The following FOXP1 variants were observed in gnomAD, a reference collection of about 807,000 sequenced individuals.
The protein encoded by FOXP1 is forkhead box protein P1.
FOXP1 carries 15 observed loss-of-function variants against 98.2 expected under a neutral mutation model. The ratio of observed to expected loss-of-function variants is 0.15; its 90% CI spans 0.10 to 0.24. The LOEUF is 0.24. Among genes scored for constraint, FOXP1 ranks in the 10% least tolerant of loss-of-function variants. The probability of loss-of-function intolerance (pLI) is 1.00; values close to 1 mark genes in which losing one functional copy is unlikely to be tolerated. For missense variants in FOXP1, 633 were observed against 848.5 expected (o/e 0.75, Z 3.15); for synonymous variants, 371 against 314.5 (o/e 1.18, Z -1.90).
In FOXP1 at chr3:71,266,037, T is replaced by C. The variant is rs1056116282; in HGVS notation, c.-12+33783A>G. Among the ~76,000 whole-genome samples, 7 of 152,144 alleles carry C rather than the reference T, an allele frequency of 4.6e-5. No homozygotes were observed. In the South Asian group the frequency reaches 1.2e-3, roughly 27 times the overall value. On this transcript the variant is annotated intron_variant, in intron 5 of 20. Coordinates refer to ENST00000649528, the MANE Select transcript of FOXP1 (RefSeq NM_001349338.3). ...GTGCCTGGTCCCGAAACCCATCAGA[T>C]GGTGGGTTCAAGTTTTACCACTAAG...
At chr3:71,247,213 A>C (rs2067820667) in intron 5 of FOXP1, among the ~76,000 whole-genome samples, 1 of 152,222 alleles carries the variant, frequency 6.6e-6, no homozygotes, top group Non-Finnish European at 1.5e-5. Flanking sequence ...TTCTGTTGGA[A>C]AATTTCACAA....
In FOXP1 at chr3:71,047,000, T is replaced by C; in HGVS notation, c.606A>G (p.Gln202=). Residue 202 remains glutamine (Q), a synonymous_variant, in exon 10 of 21, where the codon CAA becomes CAG. Coordinates refer to ENST00000649528, the MANE Select transcript of FOXP1 (RefSeq NM_001349338.3). The part of the protein sequence containing the change: ...QQQHLLSLQR[Q]GLLTIQPGQP... ...GCCCGGGCTGAATTGTCAGAAGGCC[T>C]TGGCGCTGCAAAGACAGGAGGTGCT... The C allele has an allele frequency of 6.2e-7, 1 of 1,614,100 alleles. No homozygotes were observed. The highest frequency in any genetic ancestry group is 8.5e-7 in the Non-Finnish European group (1 of 1,179,976).
chr3:71,444,825 C>G (rs190942068), intron 3 of FOXP1, among the ~76,000 whole-genome samples: 3 of 152,190 alleles, frequency 2.0e-5, no homozygotes, highest in Admixed American at 2.0e-4. Flanking sequence ...CTGATGTTTG[C>G]GAGGGATGCT....
At chr3:71,472,151 G>C (rs36092658) in intron 3 of FOXP1, among the ~76,000 whole-genome samples, 9,859 of 152,172 alleles carry the variant, frequency 0.065, 376 homozygotes, top group South Asian at 0.12. Flanking sequence ...GGAGTTATAA[G>C]TAAGGAATTC....
At chr3:71,430,545 C>T (rs141298443) in intron 3 of FOXP1, among the ~76,000 whole-genome samples, 8 of 151,984 alleles carry the variant, frequency 5.3e-5, no homozygotes, top group African/African-American at 1.9e-4. Context: ...CCGCATGTTA[C>T]TTCACTTACA....
chr3:71,399,818 C>T (rs1461225070), intron 3 of FOXP1, among the ~76,000 whole-genome samples: 1 of 152,226 alleles, frequency 6.6e-6, no homozygotes, highest in Non-Finnish European at 1.5e-5. Context: ...TACAAACCTT[C>T]ATTTTACTGG....
intron 3 of FOXP1, among the ~76,000 whole-genome samples, chr3:71,395,133 G>A (rs1392843371): frequency 1.4e-5 from 2 of 147,682 alleles, no homozygotes; most frequent in Non-Finnish European, 3.0e-5. Context: ...AAATTGAACT[G>A]GATAATCCAG....
At chr3:71,341,773 C>G (rs1403759597) in intron 4 of FOXP1, among the ~76,000 whole-genome samples, 2 of 152,200 alleles carry the variant, frequency 1.3e-5, no homozygotes, top group Non-Finnish European at 2.9e-5. Flanking sequence ...GTTAACAGAT[C>G]CACCAACATA....
chr3:71,503,076 A>G lies in FOXP1; in HGVS notation c.-297-9521T>C, dbSNP rs978748885. On this transcript the variant is annotated intron_variant, in intron 2 of 20. Coordinates refer to ENST00000649528, the MANE Select transcript of FOXP1 (RefSeq NM_001349338.3). The stretch of plus-strand genomic sequence containing the variant: ...AAAATAACAAAAGAGTTAAGAGAAG[A>G]AAAAAAAGGAACATATCTCTTGAGA... Among the ~76,000 whole-genome samples, 6 of 151,914 alleles carry G rather than the reference A, an allele frequency of 3.9e-5. No homozygotes were observed. The East Asian group carries it at 5.8e-4, about 15-fold the overall frequency.
chr3:71,243,070 T>C (rs999380978), intron 5 of FOXP1, among the ~76,000 whole-genome samples: 2 of 152,048 alleles, frequency 1.3e-5, no homozygotes, highest in African/African-American at 2.4e-5. Flanking sequence ...AATTTGAATA[T>C]CTCCCCGTCT....
chr3:71,443,239 G>C (rs2086110522), intron 3 of FOXP1, among the ~76,000 whole-genome samples: 1 of 152,150 alleles, frequency 6.6e-6, no homozygotes, highest in South Asian at 2.1e-4. Context: ...TGTATTCATG[G>C]GGTACTGTGT....
intron 3 of FOXP1, among the ~76,000 whole-genome samples, chr3:71,460,535 C>T (rs1341937697): frequency 6.6e-6 from 1 of 152,034 alleles, no homozygotes; most frequent in Non-Finnish European, 1.5e-5. Context: ...CTCCCGAGTT[C>T]AAGGAATTCT....
chr3:71,113,752 T>TAAAATAAAATAAAATAAAAC (rs1273379683), intron 6 of FOXP1, among the ~76,000 whole-genome samples: 3 of 150,528 alleles, frequency 2.0e-5, no homozygotes, highest in Admixed American at 2.0e-4. Flanking sequence ...TAAAATAAAA[T>TAAAATAAAATAAAATAAAAC]AAAATAAAAG....
chr3:71,124,459 C>T (rs2059011540), intron 6 of FOXP1, among the ~76,000 whole-genome samples: 1 of 151,404 alleles, frequency 6.6e-6, no homozygotes, highest in African/African-American at 2.4e-5. Flanking sequence ...TGTAAAATAA[C>T]TACAATAGTT....
At chr3:71,491,596 G>T (rs1288976887) in intron 3 of FOXP1, among the ~76,000 whole-genome samples, 1 of 152,136 alleles carries the variant, frequency 6.6e-6, no homozygotes, top group East Asian at 1.9e-4. Context: ...AATACTGTAG[G>T]GAAGACAGGA....
chr3:71,326,268 T>C (rs1472754310), intron 4 of FOXP1, among the ~76,000 whole-genome samples: 2 of 152,166 alleles, frequency 1.3e-5, no homozygotes, highest in African/African-American at 4.8e-5. Flanking sequence ...AATAAAGGCA[T>C]TGCTAATAAA....
At chr3:71,560,807 C>T (rs2046475101) in intron 2 of FOXP1, among the ~76,000 whole-genome samples, 1 of 152,068 alleles carries the variant, frequency 6.6e-6, no homozygotes, top group South Asian at 2.1e-4. Context: ...ACACAAAAGG[C>T]CACAGAGAGT....
intron 3 of FOXP1, among the ~76,000 whole-genome samples, chr3:71,364,876 C>T (rs62245969): frequency 6.6e-6 from 1 of 152,180 alleles, no homozygotes; most frequent in South Asian, 2.1e-4. Context: ...ACATCCTTAA[C>T]GTGATAGCTG....
chr3:71,396,964 G>GTGTATATATATATA (rs1560424396), intron 3 of FOXP1, among the ~76,000 whole-genome samples: 1 of 15,602 alleles, frequency 6.4e-5, no homozygotes, highest in South Asian at 1.4e-3. Context: ...ATATATATAT[G>GTGTATATATATATA]TGTGTATATA....
Sources: gnomAD v4.1 joint callset for allele counts (sites outside exome capture counted in the v4.1 genomes callset) on GRCh38, gnomAD v4.1.1 for gene constraint, MANE v1.5 for transcripts, NCBI Gene and HGNC (gene_info 2026-07-23, HGNC 2026-07-21) for gene names.